Variants in CTSD observed in about 807,000 individuals in gnomAD.
CTSD encodes ceroid-lipofuscinosis, neuronal 10.
Under a neutral mutation model 43.6 loss-of-function variants are expected in CTSD, and 28 were observed. That is an observed-to-expected ratio of 0.64 (90% CI 0.48 to 0.88). CTSD has a LOEUF of 0.88. CTSD is among the 40% of genes least tolerant of loss of function. The probability of loss-of-function intolerance (pLI) is 0.00; values close to 1 mark genes in which losing one functional copy is unlikely to be tolerated. For missense variants in CTSD, 485 were observed against 555.2 expected, an observed-to-expected ratio of 0.87 and a Z score of 1.27; for synonymous variants, 270 against 249.8, an observed-to-expected ratio of 1.08 and a Z score of -0.76.
Position 1,753,604 on chromosome 11 carries a change from C to A in CTSD, c.1138G>T (p.Gly380Trp). 1 of 1,613,026 alleles carries A rather than the reference C, an allele frequency of 6.2e-7. No homozygotes were observed. Among genetic ancestry groups the A allele is most frequent in the South Asian group, 1.1e-5 (1 of 91,084 alleles). Residue 380 changes from glycine to tryptophan, a missense_variant, in exon 9 of 9, where the codon GGG (glycine) becomes TGG (tryptophan). Coordinates refer to ENST00000236671, the MANE Select transcript of CTSD (RefSeq NM_001909.5). ...FMGMDIPPPS[G>W]PLWILGDVFI... Reference sequence around the variant, plus strand: ...ACGTCGCCCAGGATCCAGAGTGGCCCGCTGGGTGGCGGGATGTCCATGCCC... The same window carrying A: ...ACGTCGCCCAGGATCCAGAGTGGCCAGCTGGGTGGCGGGATGTCCATGCCC...
chr11:1,763,813 G>A lies in CTSD; in HGVS notation c.47C>T (p.Ala16Val). The A allele has an allele frequency of 6.6e-7, 1 of 1,526,592 alleles. No individual in the cohort carries two copies. The highest frequency in any genetic ancestry group is 1.2e-5 in the South Asian group (1 of 82,818). 94.6% of individuals were successfully genotyped at this position (1,526,592 alleles called of 1,614,324 possible). A position where few individuals can be genotyped will look rare whatever the true frequency, so the allele number is the denominator to read the frequency against. Reference protein sequence around the residue: ...LLPLALCLLAAPASALVRIPL... With the variant: ...LLPLALCLLAVPASALVRIPL... Reference sequence around the variant, plus strand: ...TCACCTGACGAGCGCGGAGGCGGGTGCAGCCAGCAGGCAGAGGGCGAGCGG... The same window carrying A: ...TCACCTGACGAGCGCGGAGGCGGGTACAGCCAGCAGGCAGAGGGCGAGCGG... The change falls in exon 1 of 9, where the codon GCA becomes GTA. Residue 16 changes from alanine (A) to valine (V), a missense_variant. Coordinates refer to ENST00000236671, the MANE Select transcript of CTSD (RefSeq NM_001909.5).
intron 2 of CTSD, 57 bp from the exon 3 acceptor site, chr11:1,759,696 G>A: frequency 1.3e-6 from 2 of 1,561,070 alleles, no homozygotes; most frequent in Non-Finnish European, 1.7e-6. Flanking sequence ...TCCCCACTGG[G>A]CCTCAGAAGG....
chr11:1,759,168 A>G, intron 3 of CTSD, 81 bp from the exon 4 acceptor site: 1 of 1,135,454 alleles, frequency 8.8e-7, no homozygotes, highest in Non-Finnish European at 1.3e-6. Flanking sequence ...CCTACAATCT[A>G]CCATGGAGCC....
chr11:1,754,177 G>C lies in CTSD; in HGVS notation c.828-39C>G, dbSNP rs778040768. The C allele has an allele frequency of 3.1e-5, 50 of 1,595,596 alleles. No homozygotes were observed. The East Asian group carries it at 1.1e-3, about 35-fold the overall frequency. On this transcript the variant is annotated intron_variant, in intron 6 of 8. Coordinates refer to ENST00000236671, the MANE Select transcript of CTSD (RefSeq NM_001909.5). ...GGGCGTGAAGCCCCTGCCGGGACTG[G>C]AGTGTGCCCTGGGGGCCCAGTGCCC...
chr11:1,762,743 A>C (rs1412042421), intron 1 of CTSD, among the ~76,000 whole-genome samples: 1 of 152,060 alleles, frequency 6.6e-6, no homozygotes, highest in East Asian at 1.9e-4. Flanking sequence ...CTCCTTGGAG[A>C]GGGGAGGCCT....
rs146434428 is a variant in CTSD at position 1,757,583 on chromosome 11, C to A, written c.472-27G>T. The A allele has an allele frequency of 1.3e-3, 2,071 of 1,573,994 alleles. 23 individuals carry two copies. In the African/African-American group the frequency reaches 0.025, roughly 19 times the overall value. Reference sequence around the variant, plus strand: ...TGCAGGCCAGGGCAGAGTCAGTGGGCAGCAGACAGGCTGAGCCCTACACCA... The same window carrying A: ...TGCAGGCCAGGGCAGAGTCAGTGGGAAGCAGACAGGCTGAGCCCTACACCA... On this transcript the variant is annotated intron_variant, in intron 4 of 8. Coordinates refer to ENST00000236671, the MANE Select transcript of CTSD (RefSeq NM_001909.5).
intron 8 of CTSD, 63 bp downstream of exon 8, chr11:1,753,740 T>C: frequency 1.9e-6 from 3 of 1,602,642 alleles, no homozygotes; most frequent in Non-Finnish European, 2.6e-6. Context: ...CCCGCTCACC[T>C]GGAGCGTGCG....
chr11:1,755,065 C>T, intron 5 of CTSD, 37 bp from the exon 6 acceptor site: 1 of 1,612,730 alleles, frequency 6.2e-7, no homozygotes, highest in African/African-American at 1.3e-5. Flanking sequence ...GCCACGCCAC[C>T]CCCCAAGCAC....
Position 1,757,515 on chromosome 11 carries a change from A to C in CTSD, c.513T>G (p.Gly171=). The C allele has an allele frequency of 6.2e-7, 1 of 1,613,464 alleles. No homozygotes were observed. The highest frequency in any genetic ancestry group is 8.5e-7 in the Non-Finnish European group (1 of 1,179,934). ...CAAAGACCTGCCTCTCCACTTTGAC[A>C]CCGCCCAGGGCAGAGGCTGACGACG... ...QSASSASALG[G]VKVERQVFGE... is the part of the protein sequence containing the mutation. The change falls in exon 5 of 9, where the codon GGT becomes GGG. Residue 171 remains glycine, a synonymous_variant. Transcript: ENST00000236671.
chr11:1,761,623 G>A, intron 1 of CTSD, 155 bp from the exon 2 acceptor site: 1 of 809,036 alleles, frequency 1.2e-6, no homozygotes. Context: ...TGCTGGCCCA[G>A]CTCCCCCAAG....
chr11:1,763,810 G>A lies in CTSD; in HGVS notation c.50C>T (p.Pro17Leu). The A allele has an allele frequency of 6.6e-7, 1 of 1,526,704 alleles. No individual in the cohort carries two copies. Among genetic ancestry groups the A allele is most frequent in the Non-Finnish European group, 8.7e-7 (1 of 1,143,008 alleles). 94.6% of individuals were successfully genotyped at this position (1,526,704 alleles called of 1,614,324 possible). ...GCTTCACCTGACGAGCGCGGAGGCG[G>A]GTGCAGCCAGCAGGCAGAGGGCGAG... ...LPLALCLLAA[P>L]ASALVRIPLH... Residue 17 changes from proline (P) to leucine (L), a missense_variant, in exon 1 of 9, where the codon CCC (proline) becomes CTC (leucine). Pro to Leu is a moderately conservative substitution (Grantham distance 98). Coordinates refer to ENST00000236671, the MANE Select transcript of CTSD (RefSeq NM_001909.5).
chr11:1,754,106 T>A lies in CTSD; in HGVS notation c.860A>T (p.Lys287Met). 1 of 1,610,936 alleles carries A rather than the reference T, an allele frequency of 6.2e-7. No individual in the cohort carries two copies. The highest frequency in any genetic ancestry group is 1.1e-5 in the South Asian group (1 of 91,050). The change falls in exon 7 of 9, where the codon AAG becomes ATG. Residue 287 changes from lysine to methionine, a missense_variant. By Grantham distance (95) the Lys-to-Met change is moderately conservative. Transcript: ENST00000236671. ...GTCCACAATGGCCTCACAGCCCTCC[T>A]TGCACAGGGTCAGCCCGCTGGCCAC... ...VEVASGLTLC[K>M]EGCEAIVDTG...
chr11:1,761,214 C>A (rs1345771902), intron 2 of CTSD, 95 bp downstream of exon 2: 2 of 1,440,804 alleles, frequency 1.4e-6, no homozygotes, highest in Non-Finnish European at 1.9e-6. Flanking sequence ...TCAAACTGCG[C>A]TGCTGAGAAC....
chr11:1,755,812 C>A (rs990286561), intron 5 of CTSD, among the ~76,000 whole-genome samples: 3 of 152,146 alleles, frequency 2.0e-5, no homozygotes, highest in Non-Finnish European at 4.4e-5. Context: ...CCGATTGGGG[C>A]CTCCGCCCTC....
rs1243043295 is a variant in CTSD, at chr11:1,753,917, G to A, written c.973-16C>T. The A allele has an allele frequency of 6.2e-6, 10 of 1,612,672 alleles. No individual in the cohort carries two copies. Among genetic ancestry groups the A allele is most frequent in the Non-Finnish European group, 8.5e-6 (10 of 1,179,282 alleles). On this transcript the variant is annotated splice_polypyrimidine_tract_variant and intron_variant, in intron 7 of 8. Coordinates refer to ENST00000236671, the MANE Select transcript of CTSD (RefSeq NM_001909.5). The stretch of plus-strand genomic sequence containing the variant: ...GGATCATGTACTAAGAGGGGTCACA[G>A]CAGTGTCAGGGTGGTAGTGGTGGCC...
Position 1,759,654 on chromosome 11 carries a change from G to C in CTSD, c.229-15C>G. On this transcript the variant is annotated splice_polypyrimidine_tract_variant and intron_variant, in intron 2 of 8. Transcript: ENST00000236671. ...TAGTACTGGGCCTGGCAGGGGACAG[G>C]GTCCGTCAGGGATGGGAGAGGGGGC... 1 of 1,608,498 alleles carries C rather than the reference G, an allele frequency of 6.2e-7. No homozygotes were observed. The highest frequency in any genetic ancestry group is 8.5e-7 in the Non-Finnish European group (1 of 1,176,612).
In CTSD at chr11:1,761,475, A is replaced by G; in HGVS notation, c.69-7T>C. The G allele has an allele frequency of 1.9e-6, 3 of 1,613,756 alleles. No individual in the cohort carries two copies. Among genetic ancestry groups the G allele is most frequent in the South Asian group, 2.2e-5 (2 of 91,072 alleles). On this transcript the variant is annotated splice_region_variant and splice_polypyrimidine_tract_variant and intron_variant, in intron 1 of 8. Coordinates refer to ENST00000236671, the MANE Select transcript of CTSD (RefSeq NM_001909.5). Reference sequence around the variant, plus strand: ...GAACTTGTGCAGCGGGATCCTGTCAACCACGGGTCGGGGCATATCAGGGAG... The same window carrying G: ...GAACTTGTGCAGCGGGATCCTGTCAGCCACGGGTCGGGGCATATCAGGGAG...
At chr11:1,757,601 C>G (rs1303907891) in intron 4 of CTSD, 45 bp from the exon 5 acceptor site, 2 of 1,466,482 alleles carry the variant, frequency 1.4e-6, no homozygotes, top group Admixed American at 3.7e-5. Flanking sequence ...AGGCTGAGCC[C>G]TACACCACTC....
intron 6 of CTSD, among the ~76,000 whole-genome samples, chr11:1,754,478 A>G: frequency 2.0e-5 from 1 of 50,694 alleles, no homozygotes; most frequent in South Asian, 6.6e-4. Flanking sequence ...ATGGAGGGTC[A>G]TGGAGAGTCA....
Sources: allele counts gnomAD v4.1 joint callset (sites outside exome capture counted in the v4.1 genomes callset), GRCh38; gene constraint gnomAD v4.1.1; transcripts MANE v1.5; gene names NCBI Gene and HGNC (gene_info 2026-07-23, HGNC 2026-07-21).